GBP7: variants seen among roughly 807,000 people sequenced by gnomAD.
The protein encoded by GBP7 is guanylate-binding protein 7.
GBP7 carries 43 observed loss-of-function variants against 61.3 expected under a neutral mutation model. That is an observed-to-expected ratio of 0.70 (90% confidence interval 0.55 to 0.91). The LOEUF is 0.91. GBP7 is among the 40% of genes least tolerant of loss of function. GBP7 has a pLI of 0.00. For synonymous variants in GBP7, 267 were observed against 271.0 expected, an observed-to-expected ratio of 0.99 and a Z score of 0.14; for missense variants, 717 against 740.5, an observed-to-expected ratio of 0.97 and a Z score of 0.37.
rs780354079 is a variant in GBP7, at chr1:89,133,448, T to A, written c.1472A>T (p.Lys491Met). The A allele has an allele frequency of 6.2e-7, 1 of 1,613,704 alleles. No homozygotes were observed. The highest frequency in any genetic ancestry group is 2.2e-5 in the East Asian group (1 of 44,870). ...LTAGEKAIAA[K>M]QAKKEAAEKE... ...TTCAGCTGCCTCCTTCTTAGCCTGC[T>A]TAGCTGTTCCACCGAGGTTTTACAG... Residue 491 changes from lysine (K) to methionine (M), a missense_variant, in exon 10 of 11, where the codon AAG becomes ATG. Transcript: ENST00000294671.
chr1:89,146,654 A>G (rs1682071007), intron 8 of GBP7, among the ~76,000 whole-genome samples: 2 of 152,222 alleles, frequency 1.3e-5, no homozygotes, highest in African/African-American at 4.8e-5. Context: ...ATCCCTCAAA[A>G]GAAGACATTT....
rs528376716 is a variant in GBP7, at chr1:89,172,448, A to T, written c.-19-494T>A. On this transcript the variant is annotated intron_variant, in intron 1 of 10. Coordinates refer to ENST00000294671, the MANE Select transcript of GBP7 (RefSeq NM_207398.3). The stretch of plus-strand genomic sequence containing the variant: ...TCTTTCATGTCTTTGACATTTTAGA[A>T]TAGCACTGGCCTGTGATTTTGAGGA... Among the ~76,000 whole-genome samples, 3 of 152,326 alleles carry T rather than the reference A, an allele frequency of 2.0e-5. No individual in the cohort carries two copies. The East Asian group carries it at 5.8e-4, about 29-fold the overall frequency.
rs987964561 is a variant in GBP7 at position 89,149,198 on chromosome 1, C to A, written c.1152+94G>T. On this transcript the variant is annotated intron_variant, in intron 7 of 10. Coordinates refer to ENST00000294671, the MANE Select transcript of GBP7 (RefSeq NM_207398.3). The stretch of plus-strand genomic sequence containing the variant: ...AAAATAATCCAATCTCCCTTTACTA[C>A]AAGAAGGAGATGAACCATGGCATTA... 7 of 1,091,030 alleles carry A rather than the reference C, an allele frequency of 6.4e-6. No individual in the cohort carries two copies. The African/African-American group carries it at 9.6e-5, about 15-fold the overall frequency. The allele number at this position is 1,091,030 out of a possible 1,614,324, so 67.6% of individuals were successfully genotyped here. A position where few individuals can be genotyped will look rare whatever the true frequency, so the allele number is the denominator to read the frequency against.
At chr1:89,162,173 T>C (rs1647293256) in intron 3 of GBP7, among the ~76,000 whole-genome samples, 1 of 152,174 alleles carries the variant, frequency 6.6e-6, no homozygotes, top group Admixed American at 6.5e-5. Flanking sequence ...TTGGTTACTG[T>C]AGCCCTGTAG....
rs754826455 is a variant in GBP7, at chr1:89,152,426, G to A, written c.467C>T (p.Ser156Leu). The A allele has an allele frequency of 2.5e-6, 4 of 1,614,044 alleles. No individual in the cohort carries two copies. The highest frequency in any genetic ancestry group is 1.3e-5 in the African/African-American group (1 of 74,928). The stretch of plus-strand genomic sequence containing the variant: ...CTCAACTTCATCAGGTCTGGGGCAC[G>A]ATTTTGCCCTGATTAGCTCTGTTAG... The part of the protein sequence containing the change: ...TELTELIRAK[S>L]CPRPDEVEDS... The change falls in exon 5 of 11, where the codon TCG (serine) becomes TTG (leucine). Residue 156 changes from serine to leucine, a missense_variant. Ser to Leu is a moderately radical substitution (Grantham distance 145, BLOSUM62 -2). This residue lies in a region of GBP7 where 387 missense variants were observed against 385.2 expected (regional missense o/e 1.00). Transcript: ENST00000294671.
At chr1:89,144,900 C>G (rs1553124679) in intron 8 of GBP7, among the ~76,000 whole-genome samples, 2 of 152,068 alleles carry the variant, frequency 1.3e-5, no homozygotes, top group Non-Finnish European at 2.9e-5. Flanking sequence ...TCCTCCTACC[C>G]CTCTCTGTCT....
intron 9 of GBP7, among the ~76,000 whole-genome samples, chr1:89,138,397 A>T (rs1451395196): frequency 1.3e-5 from 2 of 152,140 alleles, no homozygotes; most frequent in African/African-American, 2.4e-5. Flanking sequence ...GAGACATCAC[A>T]TGACTTGAGT....
intron 5 of GBP7, among the ~76,000 whole-genome samples, chr1:89,151,663 A>G (rs1488168055): frequency 6.6e-6 from 1 of 152,196 alleles, no homozygotes. Flanking sequence ...ATTATATGAG[A>G]CTGTAGAATG....
At chr1:89,153,940 T>C (rs534013985) in intron 3 of GBP7, among the ~76,000 whole-genome samples, 3 of 152,116 alleles carry the variant, frequency 2.0e-5, no homozygotes, top group Non-Finnish European at 4.4e-5. Context: ...AGAACCCAAG[T>C]CAAAATTGTT....
Position 89,132,054 on chromosome 1 carries a change from G to T in GBP7, c.*95C>A. On this transcript the variant is annotated 3_prime_UTR_variant, in exon 11 of 11. Coordinates refer to ENST00000294671, the MANE Select transcript of GBP7 (RefSeq NM_207398.3). ...CAGGCCATAATATTCTTTGAAATTTGCTTTTTAATTTTAAACTTTTCTTAA... is the reference window on the plus strand; with the variant it reads ...CAGGCCATAATATTCTTTGAAATTTTCTTTTTAATTTTAAACTTTTCTTAA... 7.0e-6 allele frequency: 7 copies of T among 996,912 alleles called. No individual in the cohort carries two copies. The highest frequency in any genetic ancestry group is 2.1e-5 in the South Asian group (1 of 48,774). The allele number at this position is 996,912 out of a possible 1,614,324, so 61.8% of individuals were successfully genotyped here.
At chr1:89,138,433 A>G (rs1367053709) in intron 9 of GBP7, among the ~76,000 whole-genome samples, 1 of 152,074 alleles carries the variant, frequency 6.6e-6, no homozygotes, top group Non-Finnish European at 1.5e-5. Context: ...AGACTACAAT[A>G]ACCAAAATAG....
chr1:89,136,899 C>G (rs1287904171), intron 9 of GBP7, among the ~76,000 whole-genome samples: 2 of 151,864 alleles, frequency 1.3e-5, no homozygotes, highest in African/African-American at 4.8e-5. Flanking sequence ...GATGGATATA[C>G]TTCTAGTTAG....
chr1:89,169,626 A>T lies in GBP7; in HGVS notation c.190+2120T>A, dbSNP rs903172576. Among the ~76,000 whole-genome samples, 4 of 152,228 alleles carry T rather than the reference A, an allele frequency of 2.6e-5. No homozygotes were observed. The South Asian group carries it at 6.2e-4, about 24-fold the overall frequency. ...AATTTTCTGGCCTGGAATTGCTAAA[A>T]TAAAAAACTGCTCTGTTCCTGAAGC... On this transcript the variant is annotated intron_variant, in intron 2 of 10. Transcript: ENST00000294671.
In GBP7 at chr1:89,153,110, A is replaced by G. The variant is rs192685421; in HGVS notation, c.319-333T>C. The stretch of plus-strand genomic sequence containing the variant: ...TTATGAGGAGAGCATCTTGGTATGA[A>G]GTCTCCTGAATGATGCTCTCTACTT... On this transcript the variant is annotated intron_variant, in intron 3 of 10. Coordinates refer to ENST00000294671, the MANE Select transcript of GBP7 (RefSeq NM_207398.3). 1.6e-4 allele frequency among the ~76,000 whole-genome samples: 24 copies of G among 152,350 alleles called. 1 individual carries two copies. In the East Asian group the frequency reaches 4.0e-3, roughly 26 times the overall value.
chr1:89,139,508 A>T (rs1366352311), intron 9 of GBP7, among the ~76,000 whole-genome samples: 1 of 152,252 alleles, frequency 6.6e-6, no homozygotes, highest in Non-Finnish European at 1.5e-5. Context: ...GTGAACAGGC[A>T]ACCTACAAAA....
intron 8 of GBP7, among the ~76,000 whole-genome samples, chr1:89,145,583 C>T (rs1682046136): frequency 6.6e-6 from 1 of 152,082 alleles, no homozygotes; most frequent in African/African-American, 2.4e-5. Flanking sequence ...TTTGGAAATA[C>T]AACCAGAAGT....
chr1:89,133,415 T>A lies in GBP7; in HGVS notation c.1505A>T (p.Gln502Leu). Residue 502 changes from glutamine (Q) to leucine (L), a missense_variant, in exon 10 of 11, where the codon CAG becomes CTG. Around this residue, in one of 3 missense-constraint regions of GBP7, gnomAD observed 312 missense variants for 310.1 expected, o/e 1.01. Coordinates refer to ENST00000294671, the MANE Select transcript of GBP7 (RefSeq NM_207398.3). ...CTTCTGTTTTTGTCTTAGCAGCTCC[T>A]GTTCCTTTTCAGCTGCCTCCTTCTT... is the stretch of plus-strand genomic sequence containing the variant. ...QAKKEAAEKEQELLRQKQKEQ... is the reference protein window; with the variant it reads ...QAKKEAAEKELELLRQKQKEQ... 6.2e-7 allele frequency: 1 copy of A among 1,614,142 alleles called. No homozygotes were observed. Among genetic ancestry groups the A allele is most frequent in the Non-Finnish European group, 8.5e-7 (1 of 1,180,014 alleles).
intron 3 of GBP7, among the ~76,000 whole-genome samples, chr1:89,162,482 A>T (rs1440371860): frequency 6.6e-6 from 1 of 151,994 alleles, no homozygotes; most frequent in Non-Finnish European, 1.5e-5. Context: ...CTCCTTGGAG[A>T]GGTCTTTTAC....
intron 3 of GBP7, among the ~76,000 whole-genome samples, chr1:89,157,537 C>G (rs1682344966): frequency 6.6e-6 from 1 of 151,962 alleles, no homozygotes; most frequent in Non-Finnish European, 1.5e-5. Context: ...ACCGCCGATC[C>G]CACAGAAATA....
Sources: allele counts gnomAD v4.1 joint callset (sites outside exome capture counted in the v4.1 genomes callset), GRCh38; gene constraint gnomAD v4.1.1; regional missense constraint gnomAD v4.1.1; transcripts MANE v1.5; gene names NCBI Gene and HGNC (gene_info 2026-07-23, HGNC 2026-07-21).